RHBDD1: variants seen among roughly 807,000 people sequenced by gnomAD.
The protein encoded by RHBDD1 is rhomboid-related protein 4.
RHBDD1 carries 38 observed loss-of-function variants against 36.3 expected under a neutral mutation model. That is an observed-to-expected ratio of 1.05 (90% CI 0.81 to 1.37). The LOEUF (loss-of-function observed/expected upper bound fraction) is 1.37, where lower values mean the gene tolerates loss of function less well. Among genes scored for constraint, RHBDD1 ranks in the 40% most tolerant of loss-of-function variants. RHBDD1 has a pLI of 0.00. For synonymous variants in RHBDD1, 151 were observed against 136.5 expected (o/e 1.11, Z -0.74); for missense variants, 393 against 377.6 (o/e 1.04, Z -0.34).
At chr2:226,968,693 T>C (rs895949012) in intron 8 of RHBDD1, among the ~76,000 whole-genome samples, 1 of 152,142 alleles carries the variant, frequency 6.6e-6, no homozygotes, top group Non-Finnish European at 1.5e-5. Flanking sequence ...CCCTTGAAAA[T>C]GGGGAATTTT....
intron 7 of RHBDD1, 59 bp downstream of exon 7, chr2:226,908,937 C>A: frequency 9.1e-7 from 1 of 1,095,006 alleles, no homozygotes; most frequent in Non-Finnish European, 1.4e-6. Flanking sequence ...TAGTGTTCAG[C>A]TCTACAGAGT....
intron 2 of RHBDD1, among the ~76,000 whole-genome samples, chr2:226,838,372 TCTC>T (rs1172231872): frequency 6.6e-5 from 10 of 152,208 alleles, no homozygotes; most frequent in Non-Finnish European, 1.5e-5. Context: ...TTTTTTTTGT[TCTC>T]CTCATCGGAG....
intron 7 of RHBDD1, among the ~76,000 whole-genome samples, chr2:226,913,885 A>T (rs1411307883): frequency 6.6e-6 from 1 of 152,176 alleles, no homozygotes; most frequent in Non-Finnish European, 1.5e-5. Flanking sequence ...CTCTCCAAGT[A>T]TTGAATAGCT....
chr2:226,940,172 A>G (rs1356202490), intron 8 of RHBDD1, among the ~76,000 whole-genome samples: 1 of 152,130 alleles, frequency 6.6e-6, no homozygotes, highest in Non-Finnish European at 1.5e-5. Flanking sequence ...CTAGAGGAAA[A>G]CCTAGGCAAT....
At chr2:226,979,454 C>G (rs577835387) in intron 8 of RHBDD1, among the ~76,000 whole-genome samples, 18 of 152,306 alleles carry the variant, frequency 1.2e-4, no homozygotes, top group Admixed American at 9.1e-4. Flanking sequence ...GCTCCTCCCC[C>G]CTGCAAATGG....
chr2:226,906,518 A>G (rs572040793), intron 5 of RHBDD1, among the ~76,000 whole-genome samples: 3 of 152,320 alleles, frequency 2.0e-5, no homozygotes, highest in Admixed American at 6.5e-5. Flanking sequence ...TCTTGACCAA[A>G]TGCTTCCACT....
At chr2:226,869,546 C>T (rs1228054315) in intron 5 of RHBDD1, among the ~76,000 whole-genome samples, 1 of 152,096 alleles carries the variant, frequency 6.6e-6, no homozygotes, top group African/African-American at 2.4e-5. Context: ...GTATGGGCTG[C>T]CCTTCGGGAG....
At position 226,864,618 on chromosome 2, in the gene RHBDD1, A is replaced by G. The variant is rs546120393; in HGVS notation, c.-76A>G. On this transcript the variant is annotated 5_prime_UTR_variant, in exon 4 of 9. Transcript: ENST00000392062. ...TTGTGTTTTAGGTTCAGCCGTCTGT[A>G]TATCTCCCCAGATACCTGAAACTGA... 5 of 1,187,768 alleles carry G rather than the reference A, an allele frequency of 4.2e-6. No homozygotes were observed. Among genetic ancestry groups the G allele is most frequent in the African/African-American group, 3.0e-5 (2 of 65,638 alleles). The allele number at this position is 1,187,768 out of a possible 1,614,324, so 73.6% of individuals were successfully genotyped here.
intron 8 of RHBDD1, among the ~76,000 whole-genome samples, chr2:226,957,045 A>G (rs925426545): frequency 2.0e-5 from 3 of 152,220 alleles, no homozygotes; most frequent in Admixed American, 2.0e-4. Context: ...GGAATTTCCC[A>G]TTTGTAATAG....
intron 8 of RHBDD1, among the ~76,000 whole-genome samples, chr2:226,971,245 G>A (rs369004735): frequency 6.6e-6 from 1 of 152,194 alleles, no homozygotes. Flanking sequence ...ACCGAGGCAG[G>A]TGCTTACTAA....
intron 8 of RHBDD1, among the ~76,000 whole-genome samples, chr2:226,968,020 TATCTC>T (rs1411441636): frequency 1.3e-5 from 2 of 152,236 alleles, no homozygotes; most frequent in African/African-American, 4.8e-5. Flanking sequence ...GAGTTTTACT[TATCTC>T]ATAGGAGGGT....
At chr2:226,881,409 G>A (rs1051579998) in intron 5 of RHBDD1, among the ~76,000 whole-genome samples, 1 of 152,152 alleles carries the variant, frequency 6.6e-6, no homozygotes, top group Non-Finnish European at 1.5e-5. Context: ...CATGCTATAA[G>A]CTCAGATAGA....
intron 8 of RHBDD1, among the ~76,000 whole-genome samples, chr2:226,920,536 C>T (rs565548590): frequency 6.6e-5 from 10 of 152,162 alleles, no homozygotes; most frequent in African/African-American, 1.7e-4. Flanking sequence ...TCATATGTGA[C>T]TTTTATTGTG....
chr2:226,833,286 T>C (rs192023260), upstream of RHBDD1, among the ~76,000 whole-genome samples: 7 of 152,352 alleles, frequency 4.6e-5, no homozygotes, highest in African/African-American at 1.2e-4. Context: ...TAAAAGCAAT[T>C]AGAAACCCAA....
At chr2:226,817,884 A>G in the RHBDD1 span, among the ~76,000 whole-genome samples, 1 of 152,238 alleles carries the variant, frequency 6.6e-6, no homozygotes, top group Non-Finnish European at 1.5e-5. Flanking sequence ...TTCCGCAGTC[A>G]GTGGTTTACA....
intron 8 of RHBDD1, among the ~76,000 whole-genome samples, chr2:226,918,427 A>G (rs535717294): frequency 6.6e-6 from 1 of 151,970 alleles, no homozygotes; most frequent in African/African-American, 2.4e-5. Context: ...TACTCATTCT[A>G]ATTATTTTTT....
intron 5 of RHBDD1, among the ~76,000 whole-genome samples, chr2:226,900,072 G>A (rs1240437994): frequency 6.6e-6 from 1 of 152,172 alleles, no homozygotes; most frequent in Non-Finnish European, 1.5e-5. Context: ...TTAAGAAGGG[G>A]TCCATGGATG....
chr2:226,908,515 G>C (rs1260373177), intron 6 of RHBDD1: 1 of 313,930 alleles, frequency 3.2e-6, no homozygotes, highest in Non-Finnish European at 6.0e-6. Context: ...CAAAGCCGAG[G>C]CTTGGTACTT....
In RHBDD1 at chr2:226,906,864, T is replaced by C. The variant is rs926690928; in HGVS notation, c.638T>C (p.Ile213Thr). 3.1e-6 allele frequency: 5 copies of C among 1,614,108 alleles called. No homozygotes were observed. The Admixed American group carries it at 6.7e-5, about 22-fold the overall frequency. The part of the protein sequence containing the change: ...LMYTQGPLKK[I>T]MEACAGGFSS... ...TACACTCAAGGGCCTCTGAAGAAAA[T>C]CATGGAAGCATGTGCAGGTACAGAA... is the stretch of plus-strand genomic sequence containing the variant. The change falls in exon 6 of 9, where the codon ATC (isoleucine) becomes ACC (threonine). Residue 213 changes from isoleucine to threonine, a missense_variant. Ile to Thr is a moderately conservative substitution (Grantham distance 89). Coordinates refer to ENST00000392062, the MANE Select transcript of RHBDD1 (RefSeq NM_001167608.3).
Sources: allele counts gnomAD v4.1 joint callset (sites outside exome capture counted in the v4.1 genomes callset), GRCh38; gene constraint gnomAD v4.1.1; transcripts MANE v1.5; gene names NCBI Gene and HGNC (gene_info 2026-07-23, HGNC 2026-07-21).